The following GLIPR1L2 variants were observed in gnomAD, a reference collection of about 807,000 sequenced individuals.
The protein encoded by GLIPR1L2 is GLIPR1-like protein 2.
GLIPR1L2 carries 21 observed loss-of-function variants against 28.4 expected under a neutral mutation model. The ratio of observed to expected loss-of-function variants is 0.74; its 90% CI spans 0.52 to 1.06. GLIPR1L2 has a LOEUF of 1.06. Ranked by LOEUF, GLIPR1L2 falls within the 50% of genes least tolerant of loss-of-function variation. The pLI is 0.00. For missense variants in GLIPR1L2, 476 were observed against 416.9 expected (o/e 1.14, Z -1.23); for synonymous variants, 145 against 139.3 (o/e 1.04, Z -0.29).
rs555738072 is a variant in GLIPR1L2 at position 75,396,007 on chromosome 12, C to G, written c.234+4657C>G. Among the ~76,000 whole-genome samples, 27 of 152,066 alleles carry G rather than the reference C, an allele frequency of 1.8e-4. No individual in the cohort carries two copies. The South Asian group carries it at 4.4e-3, about 25-fold the overall frequency. On this transcript the variant is annotated intron_variant, in intron 1 of 5. Coordinates refer to ENST00000550916, the MANE Select transcript of GLIPR1L2 (RefSeq NM_001270396.2). ...CATCTTTTTAAAAAAAATGTAAGCTCTTACACTCATACATTTTCCTCTTAG... is the reference window on the plus strand; with the variant it reads ...CATCTTTTTAAAAAAAATGTAAGCTGTTACACTCATACATTTTCCTCTTAG...
chr12:75,391,968 T>C (rs2045614423), intron 1 of GLIPR1L2, among the ~76,000 whole-genome samples: 1 of 152,100 alleles, frequency 6.6e-6, no homozygotes, highest in African/African-American at 2.4e-5. Context: ...TGCCTTACCT[T>C]ACAATGCGGT....
intron 3 of GLIPR1L2, among the ~76,000 whole-genome samples, chr12:75,422,163 A>G (rs2045983136): frequency 6.7e-6 from 1 of 149,376 alleles, no homozygotes; most frequent in South Asian, 2.1e-4. Context: ...AATTAAAAAA[A>G]TATATCTTTT....
chr12:75,398,963 C>T (rs955445849), intron 1 of GLIPR1L2, among the ~76,000 whole-genome samples: 4 of 152,066 alleles, frequency 2.6e-5, no homozygotes, highest in Non-Finnish European at 4.4e-5. Flanking sequence ...TATCATGTTA[C>T]TTGGTTTTTC....
At chr12:75,399,721 T>C (rs1026955578) in intron 1 of GLIPR1L2, among the ~76,000 whole-genome samples, 37 of 152,184 alleles carry the variant, frequency 2.4e-4, no homozygotes, top group Admixed American at 1.8e-3. Flanking sequence ...ATTCAGACTT[T>C]TTAACATTTT....
intron 3 of GLIPR1L2, among the ~76,000 whole-genome samples, 199 bp downstream of exon 3, chr12:75,413,900 T>C (rs984377296): frequency 1.3e-5 from 2 of 152,048 alleles, no homozygotes; most frequent in African/African-American, 4.8e-5. Flanking sequence ...TAGCCAAATA[T>C]TACTTCCTGG....
chr12:75,413,798 TATAA>T, intron 3 of GLIPR1L2, 97 bp downstream of exon 3: 1 of 543,056 alleles, frequency 1.8e-6, no homozygotes, highest in South Asian at 3.4e-5. Context: ...GTTTTTGAAC[TATAA>T]AATAAATATA....
chr12:75,426,017 T>C (rs2046030891), intron 4 of GLIPR1L2, among the ~76,000 whole-genome samples: 1 of 152,064 alleles, frequency 6.6e-6, no homozygotes, highest in Non-Finnish European at 1.5e-5. Flanking sequence ...TTGTAGGGCC[T>C]CAAGAACAGA....
chr12:75,427,369 A>G (rs1191075077), intron 4 of GLIPR1L2, among the ~76,000 whole-genome samples: 2 of 152,218 alleles, frequency 1.3e-5, no homozygotes, highest in South Asian at 2.1e-4. Flanking sequence ...ATGACAAAAG[A>G]CTTTTTAAAA....
intron 1 of GLIPR1L2, chr12:75,403,294 G>T: frequency 2.8e-6 from 1 of 358,758 alleles, no homozygotes. Context: ...TTCTAGGCTT[G>T]AAATTTATTT....
intron 1 of GLIPR1L2, among the ~76,000 whole-genome samples, chr12:75,404,583 TTA>T (rs2045776483): frequency 6.6e-6 from 1 of 152,086 alleles, no homozygotes; most frequent in African/African-American, 2.4e-5. Context: ...ATTATAAAAA[TTA>T]TAAATTCAGC....
intron 1 of GLIPR1L2, 66 bp downstream of exon 1, chr12:75,391,416 G>C: frequency 2.5e-6 from 4 of 1,600,932 alleles, no homozygotes; most frequent in Non-Finnish European, 3.4e-6. Flanking sequence ...CTGGATCTCG[G>C]GTAGTTGGGG....
chr12:75,392,155 C>G (rs1356732170), intron 1 of GLIPR1L2, among the ~76,000 whole-genome samples: 1 of 152,136 alleles, frequency 6.6e-6, no homozygotes, highest in African/African-American at 2.4e-5. Flanking sequence ...GACTACTTTC[C>G]TAGACATGTC....
At chr12:75,413,931 TA>T (rs2045898732) in intron 3 of GLIPR1L2, among the ~76,000 whole-genome samples, 1 of 152,040 alleles carries the variant, frequency 6.6e-6, no homozygotes, top group Admixed American at 6.6e-5. Context: ...ACTTTAGTAT[TA>T]TTTCACAATA....
At chr12:75,404,428 A>G (rs2045774933) in intron 1 of GLIPR1L2, among the ~76,000 whole-genome samples, 1 of 152,160 alleles carries the variant, frequency 6.6e-6, no homozygotes, top group African/African-American at 2.4e-5. Flanking sequence ...TCTTTGCCAA[A>G]TAAGACTGGT....
intron 4 of GLIPR1L2, among the ~76,000 whole-genome samples, chr12:75,425,235 A>G (rs1322377035): frequency 1.3e-5 from 2 of 152,294 alleles, no homozygotes; most frequent in East Asian, 3.9e-4. Flanking sequence ...AGTCTGAGCC[A>G]GTGAGGAAGG....
intron 1 of GLIPR1L2, among the ~76,000 whole-genome samples, chr12:75,406,204 G>A (rs779509602): frequency 9.2e-5 from 14 of 151,660 alleles, no homozygotes; most frequent in Non-Finnish European, 1.8e-4. Flanking sequence ...TGTCATATTG[G>A]TTAAATAGAT....
chr12:75,413,511 T>C (rs1247790757), intron 2 of GLIPR1L2, 87 bp from the exon 3 acceptor site: 2 of 734,972 alleles, frequency 2.7e-6, no homozygotes, highest in Non-Finnish European at 4.5e-6. Context: ...TGAAAAGTTC[T>C]ATGTGAATGG....
intron 3 of GLIPR1L2, among the ~76,000 whole-genome samples, chr12:75,418,453 A>T (rs1402566887): frequency 6.6e-6 from 1 of 152,202 alleles, no homozygotes; most frequent in Non-Finnish European, 1.5e-5. Flanking sequence ...CACATGTATG[A>T]ATCTGAGTAT....
At chr12:75,410,993 T>C (rs2045861191) in intron 2 of GLIPR1L2, among the ~76,000 whole-genome samples, 1 of 151,864 alleles carries the variant, frequency 6.6e-6, no homozygotes. Context: ...TTATAAATGA[T>C]TGACTATAAA....
Sources: allele counts gnomAD v4.1 joint callset (sites outside exome capture counted in the v4.1 genomes callset), GRCh38; gene constraint gnomAD v4.1.1; transcripts MANE v1.5; gene names NCBI Gene and HGNC (gene_info 2026-07-23, HGNC 2026-07-21).